TRIM33: variants seen among roughly 807,000 people sequenced by gnomAD.
TRIM33 encodes tripartite motif containing 33, also known as E3 ubiquitin-protein ligase TRIM33.
In TRIM33, 20 loss-of-function variants were observed where a neutral mutation model predicts 125.4. That is an observed-to-expected ratio of 0.16 (90% confidence interval 0.11 to 0.23). The LOEUF (loss-of-function observed/expected upper bound fraction) is 0.23, where lower values mean the gene tolerates loss of function less well. Ranked by LOEUF, TRIM33 falls within the 10% of genes least tolerant of loss-of-function variation. TRIM33 has a pLI of 1.00. For missense variants in TRIM33, 920 were observed against 1,411.4 expected, an observed-to-expected ratio of 0.65 and a Z score of 5.58; for synonymous variants, 564 against 513.9, an observed-to-expected ratio of 1.10 and a Z score of -1.32.
intron 6 of TRIM33, among the ~76,000 whole-genome samples, chr1:114,429,533 T>C (rs1327997983): frequency 1.3e-5 from 2 of 152,042 alleles, no homozygotes; most frequent in African/African-American, 4.8e-5. Flanking sequence ...ACTGGAAAGA[T>C]GTATTCCATT....
At chr1:114,413,746 G>A (rs764052012) in intron 11 of TRIM33, among the ~76,000 whole-genome samples, 7 of 151,452 alleles carry the variant, frequency 4.6e-5, no homozygotes, top group Admixed American at 1.3e-4. Flanking sequence ...GGATGGCCAG[G>A]TTGGCTCATA....
At chr1:114,433,131 T>C (rs1648067986) in intron 5 of TRIM33, among the ~76,000 whole-genome samples, 1 of 152,228 alleles carries the variant, frequency 6.6e-6, no homozygotes, top group African/African-American at 2.4e-5. Context: ...ATGGTGATGA[T>C]AATTATAAAT....
At chr1:114,410,410 C>G in intron 11 of TRIM33, 94 bp from the exon 12 acceptor site, 1 of 1,278,512 alleles carries the variant, frequency 7.8e-7, no homozygotes, top group Non-Finnish European at 1.1e-6. Flanking sequence ...TATTAATAAA[C>G]TAACAGATTA....
At position 114,509,485 on chromosome 1, in the gene TRIM33, C is replaced by T. The variant is rs180943315; in HGVS notation, c.526+1066G>A. ...AGACCTTGCCAGAAAAAAGAAAAAT[C>T]CCAAAATATTCTGAAGTCCTTACAC... On this transcript the variant is annotated intron_variant, in intron 1 of 19. Transcript: ENST00000358465. Among the ~76,000 whole-genome samples, 25 of 152,214 alleles carry T rather than the reference C, an allele frequency of 1.6e-4. No individual in the cohort carries two copies. The East Asian group carries it at 4.6e-3, about 28-fold the overall frequency.
rs1413239281 is a variant in TRIM33, at chr1:114,510,654, C to T, written c.423G>A (p.Lys141=). 6.4e-7 allele frequency: 1 copy of T among 1,561,570 alleles called. No individual in the cohort carries two copies. The highest frequency in any genetic ancestry group is 1.2e-5 in the South Asian group (1 of 85,662). The change falls in exon 1 of 20, where the codon AAG becomes AAA. Residue 141 remains lysine (K), a synonymous_variant. Transcript: ENST00000358465. The part of the protein sequence containing the change: ...SLQSRREAEP[K]LLPCLHSFCL... ...AGAAGGAGTGAAGACAGGGCAGCAG[C>T]TTGGGCTCCGCCTCACGCCGGCTCT...
At chr1:114,465,159 T>C (rs1650215720) in intron 1 of TRIM33, among the ~76,000 whole-genome samples, 1 of 152,206 alleles carries the variant, frequency 6.6e-6, no homozygotes, top group Admixed American at 6.5e-5. Flanking sequence ...GAATACATGC[T>C]AATATGAGAA....
chr1:114,477,536 G>T (rs1360693157), intron 1 of TRIM33, among the ~76,000 whole-genome samples: 1 of 152,074 alleles, frequency 6.6e-6, no homozygotes, highest in Non-Finnish European at 1.5e-5. Context: ...GCAAAACAGG[G>T]ATAACAGTAC....
intron 4 of TRIM33, among the ~76,000 whole-genome samples, chr1:114,444,369 G>A (rs1372978286): frequency 6.6e-6 from 1 of 152,212 alleles, no homozygotes; most frequent in Non-Finnish European, 1.5e-5. Flanking sequence ...CACTGGAAGA[G>A]AAGAACTAGA....
chr1:114,436,675 G>C lies in TRIM33; in HGVS notation c.924-2942C>G, dbSNP rs148041520. 2.9e-3 allele frequency among the ~76,000 whole-genome samples: 442 copies of C among 152,076 alleles called. 2 individuals are homozygous for C. Among genetic ancestry groups the C allele is most frequent in the African/African-American group, 0.01 (424 of 41,478 alleles). ...AGATGGGGTTTTGCCATGTTGGCCG[G>C]GCTGATCTCAAACTCCTGACCTCAG... On this transcript the variant is annotated intron_variant, in intron 4 of 19. Coordinates refer to ENST00000358465, the MANE Select transcript of TRIM33 (RefSeq NM_015906.4).
At chr1:114,429,498 C>T (rs980363570) in intron 6 of TRIM33, among the ~76,000 whole-genome samples, 20 of 151,898 alleles carry the variant, frequency 1.3e-4, no homozygotes, top group African/African-American at 4.6e-4. Context: ...GCCAAGAGTA[C>T]TTTTAATCTC....
intron 1 of TRIM33, among the ~76,000 whole-genome samples, chr1:114,497,901 A>T (rs1652468722): frequency 6.6e-6 from 1 of 152,054 alleles, no homozygotes; most frequent in East Asian, 1.9e-4. Flanking sequence ...AGTAAAACAG[A>T]TAATAAAGGG....
rs527435108 is a variant in TRIM33 at position 114,468,753 on chromosome 1, G to C, written c.527-4365C>G. On this transcript the variant is annotated intron_variant, in intron 1 of 19. Transcript: ENST00000358465. ...AATACTAGAGAAAGACAAAGTTCTA[G>C]AAGATGAAGACAGCAAAAAAGATGA... The C allele has an allele frequency of 7.6e-5, 30 of 394,590 alleles. 1 individual carries two copies. The highest frequency in any genetic ancestry group is 1.5e-4 in the Non-Finnish European group (30 of 201,982). The allele number at this position is 394,590 out of a possible 1,614,324, so 24.4% of individuals were successfully genotyped here.
chr1:114,479,156 A>T (rs747696513), intron 1 of TRIM33, among the ~76,000 whole-genome samples: 22 of 152,246 alleles, frequency 1.4e-4, no homozygotes, highest in Non-Finnish European at 2.9e-4. Flanking sequence ...AGAAAAGAAC[A>T]GATCCTCAGA....
At chr1:114,444,002 A>G (rs1648819892) in intron 4 of TRIM33, among the ~76,000 whole-genome samples, 1 of 152,260 alleles carries the variant, frequency 6.6e-6, no homozygotes, top group African/African-American at 2.4e-5. Flanking sequence ...TGAGGCAACT[A>G]TATTCAGTCA....
chr1:114,497,426 A>C (rs1048519397), intron 1 of TRIM33, among the ~76,000 whole-genome samples: 1 of 151,980 alleles, frequency 6.6e-6, no homozygotes, highest in Non-Finnish European at 1.5e-5. Flanking sequence ...CCTCCCAAGT[A>C]GCTGAGATTA....
Position 114,427,901 on chromosome 1 carries a change from C to G in TRIM33, c.1156-7G>C. ...GTCTTTCCTTTGTAACATTCTGAAA[C>G]AGAACAAGAGCTTCGCTGTAGAATT... On this transcript the variant is annotated splice_polypyrimidine_tract_variant and splice_region_variant and intron_variant, in intron 6 of 19. Coordinates refer to ENST00000358465, the MANE Select transcript of TRIM33 (RefSeq NM_015906.4). 6.2e-7 allele frequency: 1 copy of G among 1,613,786 alleles called. No homozygotes were observed. Among genetic ancestry groups the G allele is most frequent in the Non-Finnish European group, 8.5e-7 (1 of 1,179,874 alleles).
At chr1:114,433,567 ACTT>A (rs1453659918) in intron 5 of TRIM33, 47 bp downstream of exon 5, 6 of 1,144,318 alleles carry the variant, frequency 5.2e-6, no homozygotes, top group Admixed American at 4.5e-5. Flanking sequence ...AACTGGACCC[ACTT>A]CTTTTTAGTA....
chr1:114,426,524 A>ATTTT (rs1234169351), intron 8 of TRIM33, among the ~76,000 whole-genome samples: 3 of 127,986 alleles, frequency 2.3e-5, no homozygotes, highest in African/African-American at 6.5e-5. Context: ...TTTTTTTTTA[A>ATTTT]AAAAAAAGGG....
intron 1 of TRIM33, among the ~76,000 whole-genome samples, chr1:114,491,492 TAA>T (rs1157573836): frequency 6.6e-6 from 1 of 152,232 alleles, no homozygotes; most frequent in Non-Finnish European, 1.5e-5. Context: ...CATTTATATT[TAA>T]AGTCACTTTA....
Sources: gnomAD v4.1 joint callset for allele counts (sites outside exome capture counted in the v4.1 genomes callset) on GRCh38, gnomAD v4.1.1 for gene constraint, MANE v1.5 for transcripts, NCBI Gene and HGNC (gene_info 2026-07-23, HGNC 2026-07-21) for gene names.